GAB2: variants seen among roughly 807,000 people sequenced by gnomAD.
GAB2 encodes the protein GRB2-associated-binding protein 2.
A neutral mutation model predicts 65.5 loss-of-function variants in GAB2; 26 were observed. That is an observed-to-expected ratio of 0.40 (90% CI 0.29 to 0.55). GAB2 has a LOEUF of 0.55. Among genes scored for constraint, GAB2 ranks in the 20% least tolerant of loss-of-function variants. The pLI is 0.53. For synonymous variants in GAB2, 321 were observed against 329.6 expected (o/e 0.97, Z 0.28); for missense variants, 884 against 875.8 (o/e 1.01, Z -0.12).
At chr11:78,264,344 G>A (rs1865816215) in intron 2 of GAB2, among the ~76,000 whole-genome samples, 1 of 151,128 alleles carries the variant, frequency 6.6e-6, no homozygotes. Flanking sequence ...TTGTTAAATT[G>A]ATTCCTAAGT....
intron 1 of GAB2, among the ~76,000 whole-genome samples, chr11:78,372,023 G>A (rs907893225): frequency 5.3e-5 from 8 of 151,996 alleles, no homozygotes; most frequent in Non-Finnish European, 1.0e-4. Context: ...ACTATTACTC[G>A]TATGGTGTTA....
chr11:78,401,129 G>C (rs534821702), intron 1 of GAB2, among the ~76,000 whole-genome samples: 25 of 151,044 alleles, frequency 1.7e-4, no homozygotes, highest in Admixed American at 4.6e-4. Context: ...AAAAAAAACT[G>C]TCATAAAATG....
intron 1 of GAB2, among the ~76,000 whole-genome samples, chr11:78,339,178 G>A (rs182946023): frequency 7.2e-5 from 11 of 151,974 alleles, no homozygotes; most frequent in Middle Eastern, 6.8e-3. Flanking sequence ...TACCTGTCTC[G>A]GCCTCCCAAA....
At chr11:78,277,318 G>GAA (rs1473073466) in intron 2 of GAB2, among the ~76,000 whole-genome samples, 1 of 152,140 alleles carries the variant, frequency 6.6e-6, no homozygotes, top group Non-Finnish European at 1.5e-5. Flanking sequence ...CACATTGTTA[G>GAA]AGTAGGTAGC....
intron 1 of GAB2, among the ~76,000 whole-genome samples, chr11:78,394,270 A>G (rs1054969110): frequency 6.6e-6 from 1 of 152,142 alleles, no homozygotes; most frequent in Non-Finnish European, 1.5e-5. Context: ...CCTGGGTGAC[A>G]GAGCAAGACT....
chr11:78,325,267 T>C (rs1855802389), intron 1 of GAB2, among the ~76,000 whole-genome samples: 1 of 152,178 alleles, frequency 6.6e-6, no homozygotes, highest in South Asian at 2.1e-4. Flanking sequence ...AGAAGTAATG[T>C]CTATTATAGG....
chr11:78,220,561 A>T, intron 8 of GAB2, 117 bp from the exon 9 acceptor site: 1 of 808,668 alleles, frequency 1.2e-6, no homozygotes, highest in Admixed American at 2.9e-5. Flanking sequence ...TGACACATGC[A>T]CCATGCTAAG....
chr11:78,272,664 T>C (rs1866045839), intron 2 of GAB2, among the ~76,000 whole-genome samples: 1 of 152,212 alleles, frequency 6.6e-6, no homozygotes, highest in Non-Finnish European at 1.5e-5. Context: ...GAAAATCCCA[T>C]TTTCTGAGGA....
At chr11:78,354,343 C>G (rs933163405) in intron 1 of GAB2, among the ~76,000 whole-genome samples, 1 of 152,026 alleles carries the variant, frequency 6.6e-6, no homozygotes, top group Non-Finnish European at 1.5e-5. Flanking sequence ...TTGTTTAGAT[C>G]TAGGCAAGTT....
chr11:78,298,885 T>A (rs1052119659), intron 1 of GAB2, among the ~76,000 whole-genome samples: 4 of 152,224 alleles, frequency 2.6e-5, no homozygotes, highest in Admixed American at 2.6e-4. Flanking sequence ...GGTTCCATAT[T>A]TTCGTAAATA....
chr11:78,360,109 C>A (rs1435051038), intron 1 of GAB2, among the ~76,000 whole-genome samples: 1 of 152,154 alleles, frequency 6.6e-6, no homozygotes, highest in Non-Finnish European at 1.5e-5. Flanking sequence ...AACCAAGGAA[C>A]ATCTGGAGCC....
At chr11:78,317,624 C>T (rs1398599421) in intron 1 of GAB2, among the ~76,000 whole-genome samples, 2 of 146,700 alleles carry the variant, frequency 1.4e-5, no homozygotes, top group Non-Finnish European at 3.0e-5. Flanking sequence ...TATTTTATCA[C>T]AATCAAAAGA....
At chr11:78,407,206 C>G (rs1208107795) in intron 1 of GAB2, among the ~76,000 whole-genome samples, 10 of 152,044 alleles carry the variant, frequency 6.6e-5, no homozygotes, top group African/African-American at 2.2e-4. Flanking sequence ...GTGAAAACTT[C>G]TCAAATGTAG....
At chr11:78,416,285 T>C (rs1364660184) in intron 1 of GAB2, among the ~76,000 whole-genome samples, 1 of 152,230 alleles carries the variant, frequency 6.6e-6, no homozygotes, top group Non-Finnish European at 1.5e-5. Flanking sequence ...CTTAGATTTT[T>C]TTCCCCCAGC....
At chr11:78,355,392 A>G (rs2134710187) in intron 1 of GAB2, among the ~76,000 whole-genome samples, 1 of 152,296 alleles carries the variant, frequency 6.6e-6, no homozygotes, top group Non-Finnish European at 1.5e-5. Context: ...ACAGGAGTGA[A>G]ATAGTATTTG....
At chr11:78,265,668 T>C (rs1325884306) in intron 2 of GAB2, among the ~76,000 whole-genome samples, 2 of 152,206 alleles carry the variant, frequency 1.3e-5, no homozygotes, top group Non-Finnish European at 2.9e-5. Context: ...TAGTATATCA[T>C]CTCTTTTGAG....
At chr11:78,383,581 C>CAGA (rs1554997168) in intron 1 of GAB2, among the ~76,000 whole-genome samples, 1 of 55,582 alleles carries the variant, frequency 1.8e-5, no homozygotes, top group African/African-American at 6.4e-5. Context: ...CCTGTCTCTC[C>CAGA]AAAAAAAAAA....
chr11:78,321,662 T>C (rs1855726628), intron 1 of GAB2, among the ~76,000 whole-genome samples: 1 of 152,146 alleles, frequency 6.6e-6, no homozygotes, highest in African/African-American at 2.4e-5. Flanking sequence ...TTGGGAAACT[T>C]TTGAAAAGTA....
chr11:78,262,107 T>G (rs1348677067), intron 2 of GAB2, among the ~76,000 whole-genome samples: 4 of 152,158 alleles, frequency 2.6e-5, no homozygotes, highest in African/African-American at 9.7e-5. Flanking sequence ...GATTGCACCT[T>G]AAACTGGTAT....
Sources: gnomAD v4.1 joint callset for allele counts (sites outside exome capture counted in the v4.1 genomes callset) on GRCh38, gnomAD v4.1.1 for gene constraint, MANE v1.5 for transcripts, NCBI Gene and HGNC (gene_info 2026-07-23, HGNC 2026-07-21) for gene names.